Variants in SIN3B observed in about 807,000 individuals in gnomAD.
SIN3B encodes paired amphipathic helix protein Sin3b.
Under a neutral mutation model 120.2 loss-of-function variants are expected in SIN3B, and 19 were observed. The observed-to-expected ratio is 0.16, with a 90% confidence interval of 0.11 to 0.23. The LOEUF (loss-of-function observed/expected upper bound fraction) is 0.23, where lower values mean the gene tolerates loss of function less well. SIN3B is among the 10% of genes least tolerant of loss of function. The pLI is 1.00. For missense variants in SIN3B, 1,073 were observed against 1,573.0 expected (o/e 0.68, Z 5.38); for synonymous variants, 654 against 653.2 (o/e 1.00, Z -0.02).
At chr19:16,845,427 C>A (rs1464207686) in intron 4 of SIN3B, among the ~76,000 whole-genome samples, 1 of 152,166 alleles carries the variant, frequency 6.6e-6, no homozygotes. Context: ...CACGCGCCCC[C>A]ACACCCGGGT....
At position 16,871,233 on chromosome 19, in the gene SIN3B, A is replaced by C. The variant is rs758061150; in HGVS notation, c.2427A>C (p.Glu809Asp). The change falls in exon 14 of 19, where the codon GAA becomes GAC. Residue 809 changes from glutamate to aspartate, a missense_variant. Coordinates refer to ENST00000248054, the MANE Select transcript of SIN3B (RefSeq NM_001297595.2). Reference sequence around the variant, plus strand: ...TGAGGCGGTGTGTCTCCGCAGGTGAAGTGGAGCTGGAGGAGTACTACCCGG... The same window carrying C: ...TGAGGCGGTGTGTCTCCGCAGGTGACGTGGAGCTGGAGGAGTACTACCCGG... ...AMELRLKQPS[E>D]VELEEYYPAF... 3.7e-6 allele frequency: 6 copies of C among 1,614,016 alleles called. No homozygotes were observed.
chr19:16,877,209 T>C lies in SIN3B; in HGVS notation c.2860-336T>C, dbSNP rs890602976. ...ACAGAAGTCTATTCCCTCAACGTCC[T>C]GGAGGTCAGCAGTCCACAACCACAG... On this transcript the variant is annotated intron_variant, in intron 16 of 18. Transcript: ENST00000248054. 7 of 335,034 alleles carry C rather than the reference T, an allele frequency of 2.1e-5. No homozygotes were observed. The Admixed American group carries it at 2.7e-4, about 13-fold the overall frequency. 20.8% of individuals were successfully genotyped at this position (335,034 alleles called of 1,614,324 possible).
At chr19:16,873,745 C>T (rs2051544263) in intron 14 of SIN3B, among the ~76,000 whole-genome samples, 1 of 152,244 alleles carries the variant, frequency 6.6e-6, no homozygotes, top group Non-Finnish European at 1.5e-5. Context: ...ACATGCTGCC[C>T]TGCTGTCCCA....
chr19:16,870,052 T>C lies in SIN3B; in HGVS notation c.2399T>C (p.Met800Thr), dbSNP rs1195947265. ...AGGGAGAAGGGCAGCGACCCCGCCA[T>C]GGAGCTGCGGCTGAAGCAGCCCAGT... ...GRREKGSDPAMELRLKQPSEV... is the reference protein window; with the variant it reads ...GRREKGSDPATELRLKQPSEV... The change falls in exon 13 of 19, where the codon ATG (methionine) becomes ACG (threonine). Residue 800 changes from methionine to threonine, a missense_variant. Around this residue, in one of 7 missense-constraint regions of SIN3B, gnomAD observed 52 missense variants for 68.8 expected, o/e 0.76. Coordinates refer to ENST00000248054, the MANE Select transcript of SIN3B (RefSeq NM_001297595.2). 6.2e-7 allele frequency: 1 copy of C among 1,605,412 alleles called. No homozygotes were observed. Among genetic ancestry groups the C allele is most frequent in the South Asian group, 1.1e-5 (1 of 90,522 alleles).
At chr19:16,874,903 G>C (rs1464506207) in intron 14 of SIN3B, among the ~76,000 whole-genome samples, 1 of 150,228 alleles carries the variant, frequency 6.7e-6, no homozygotes, top group East Asian at 2.0e-4. Context: ...TTTTGGTCTG[G>C]TCTAATCTGG....
At chr19:16,869,330 G>A (rs928731546) in intron 12 of SIN3B, 130 bp from the exon 13 acceptor site, 13 of 1,243,668 alleles carry the variant, frequency 1.0e-5, no homozygotes, top group African/African-American at 6.1e-5. Context: ...ACCGATGTTC[G>A]CCACCCATCC....
Position 16,859,764 on chromosome 19 carries a change from G to A in SIN3B, c.1059-2588G>A, listed in dbSNP as rs540176688. Among the ~76,000 whole-genome samples the A allele has an allele frequency of 2.6e-5, 4 of 152,254 alleles. No individual in the cohort carries two copies. The South Asian group carries it at 8.3e-4, about 32-fold the overall frequency. ...GTGGAATGCACATTCACCTTGAGTT[G>A]CCTCCACTGGGCTTAGAATCCAGCA... On this transcript the variant is annotated intron_variant, in intron 8 of 18. Transcript: ENST00000248054.
In SIN3B at chr19:16,869,864, C is replaced by G; in HGVS notation, c.2211C>G (p.Asp737Glu). 6.2e-7 allele frequency: 1 copy of G among 1,614,196 alleles called. No individual in the cohort carries two copies. Among genetic ancestry groups the G allele is most frequent in the Non-Finnish European group, 8.5e-7 (1 of 1,180,028 alleles). Residue 737 changes from aspartate (D) to glutamate (E), a missense_variant, in exon 13 of 19, where the codon GAC becomes GAG. This residue lies in a region of SIN3B where 169 missense variants were observed against 207.3 expected (regional missense o/e 0.82). Coordinates refer to ENST00000248054, the MANE Select transcript of SIN3B (RefSeq NM_001297595.2). ...CCCCAGCCCCGCACAAGCCCCTGGA[C>G]GATGTCTACAGCCTATTTTTTGCCA... ...LPPPAPHKPL[D>E]DVYSLFFANN...
In SIN3B at chr19:16,865,689, C is replaced by T. The variant is rs760369920; in HGVS notation, c.1622+41C>T. 30 of 1,286,444 alleles carry T rather than the reference C, an allele frequency of 2.3e-5. No homozygotes were observed. The East Asian group carries it at 7.1e-4, about 31-fold the overall frequency. 79.7% of individuals were successfully genotyped at this position (1,286,444 alleles called of 1,614,324 possible). On this transcript the variant is annotated intron_variant, in intron 11 of 18. Transcript: ENST00000248054. ...CCGACTTCCCTTCCCCTTCCCCTTC[C>T]CCCTTCCCTCCCCTCCCCTCCCCTC...
intron 3 of SIN3B, among the ~76,000 whole-genome samples, chr19:16,836,119 T>A (rs935654172): frequency 6.6e-6 from 1 of 152,142 alleles, no homozygotes; most frequent in Non-Finnish European, 1.5e-5. Context: ...GTCTTCAGCT[T>A]TGGGGGCCAG....
chr19:16,865,154 C>A, intron 10 of SIN3B: 1 of 397,044 alleles, frequency 2.5e-6, no homozygotes, highest in Non-Finnish European at 4.5e-6. Flanking sequence ...ATTAGCCAGG[C>A]ATGGTGGTGC....
Position 16,865,667 on chromosome 19 carries a change from A to AATTCC in SIN3B, c.1622+19_1622+20insATTCC. On this transcript the variant is annotated intron_variant, in intron 11 of 18. Coordinates refer to ENST00000248054, the MANE Select transcript of SIN3B (RefSeq NM_001297595.2). ...TGAAAAGGTGCCCTGTGGCGTCCCGACTTCCCTTCCCCTTCCCCTTCCCCC... is the reference window on the plus strand; with the variant it reads ...TGAAAAGGTGCCCTGTGGCGTCCCGAATTCCCTTCCCTTCCCCTTCCCCTTCCCCC... The AATTCC allele has an allele frequency of 6.6e-7, 1 of 1,524,712 alleles. No homozygotes were observed. Among genetic ancestry groups the AATTCC allele is most frequent in the Non-Finnish European group, 9.0e-7 (1 of 1,116,100 alleles). The allele number at this position is 1,524,712 out of a possible 1,614,324, so 94.4% of individuals were successfully genotyped here. A position where few individuals can be genotyped will look rare whatever the true frequency, so the allele number is the denominator to read the frequency against.
At chr19:16,863,461 G>C (rs1971717092) in intron 9 of SIN3B, 1 of 568,838 alleles carries the variant, frequency 1.8e-6, no homozygotes, top group Non-Finnish European at 3.1e-6. Context: ...GTCTTCAGGG[G>C]TGGTTCTGGA....
intron 16 of SIN3B, 41 bp from the exon 17 acceptor site, chr19:16,877,504 G>A (rs1234155186): frequency 2.8e-6 from 4 of 1,446,730 alleles, no homozygotes; most frequent in Non-Finnish European, 3.8e-6. Flanking sequence ...CCATAGCCCT[G>A]CTGTAGGGGC....
rs566405889 is a variant in SIN3B at position 16,876,268 on chromosome 19, C to T, written c.2766+40C>T. 8.7e-5 allele frequency: 137 copies of T among 1,582,858 alleles called. No individual in the cohort carries two copies. Among genetic ancestry groups the T allele is most frequent in the East Asian group, 1.6e-4 (7 of 44,428 alleles). On this transcript the variant is annotated intron_variant, in intron 15 of 18. Coordinates refer to ENST00000248054, the MANE Select transcript of SIN3B (RefSeq NM_001297595.2). The surrounding 1 kb of genome is among the most constrained non-coding windows in gnomAD (Gnocchi z 7.1). ...GGGGCTGGGAACACGCCGGGAGGCC[C>T]GGCCGCTCACTCCGCTCTGGACTCA...
rs1160635151 is a variant in SIN3B at position 16,878,776 on chromosome 19, C to T, written c.*49C>T. 8 of 1,492,926 alleles carry T rather than the reference C, an allele frequency of 5.4e-6. No homozygotes were observed. Among genetic ancestry groups the T allele is most frequent in the Middle Eastern group, 2.3e-4 (1 of 4,302 alleles). The allele number at this position is 1,492,926 out of a possible 1,614,324, so 92.5% of individuals were successfully genotyped here. A position where few individuals can be genotyped will look rare whatever the true frequency, so the allele number is the denominator to read the frequency against. ...GGCGCCTCACAGAGCACAGACGTGC[C>T]CTCGGCCTTGGTCGTGTCGGGGCCG... On this transcript the variant is annotated 3_prime_UTR_variant, in exon 19 of 19. Transcript: ENST00000248054.
Position 16,863,676 on chromosome 19 carries a change from G to A in SIN3B, c.1267-4G>A. ...GTCATTCACGGCATTTCCTCTTGGTGCAGGTACTGAACGACACCTGGGTCT... is the reference window on the plus strand; with the variant it reads ...GTCATTCACGGCATTTCCTCTTGGTACAGGTACTGAACGACACCTGGGTCT... On this transcript the variant is annotated splice_polypyrimidine_tract_variant and splice_region_variant and intron_variant, in intron 9 of 18. Transcript: ENST00000248054. 1.3e-6 allele frequency: 2 copies of A among 1,595,254 alleles called. No homozygotes were observed. The highest frequency in any genetic ancestry group is 1.3e-5 in the African/African-American group (1 of 74,626).
At chr19:16,833,106 C>T (rs781744283) in intron 3 of SIN3B, among the ~76,000 whole-genome samples, 6 of 152,120 alleles carry the variant, frequency 3.9e-5, no homozygotes, top group South Asian at 2.1e-4. Flanking sequence ...TGAGAACCAC[C>T]GGTGTAAGTG....
chr19:16,851,630 G>C, intron 6 of SIN3B, 96 bp downstream of exon 6: 1 of 1,452,642 alleles, frequency 6.9e-7, no homozygotes, highest in Non-Finnish European at 9.1e-7. Flanking sequence ...CCCCAGCAGG[G>C]GTTCGGGGCT....
Sources: allele counts gnomAD v4.1 joint callset (sites outside exome capture counted in the v4.1 genomes callset), GRCh38; gene constraint gnomAD v4.1.1; regional missense constraint gnomAD v4.1.1; non-coding constraint Gnocchi (gnomAD v3.1); transcripts MANE v1.5; gene names NCBI Gene and HGNC (gene_info 2026-07-23, HGNC 2026-07-21).